Variants in EEF2K observed in about 807,000 individuals in gnomAD.
EEF2K encodes eukaryotic elongation factor 2 kinase.
Under a neutral mutation model 93.8 loss-of-function variants are expected in EEF2K, and 70 were observed. That is an observed-to-expected ratio of 0.75 (90% CI 0.62 to 0.91). The LOEUF (loss-of-function observed/expected upper bound fraction) is 0.91, where lower values mean the gene tolerates loss of function less well. EEF2K is among the 40% of genes least tolerant of loss of function. The pLI is 0.00. For missense variants in EEF2K, 935 were observed against 972.9 expected, an observed-to-expected ratio of 0.96 and a Z score of 0.52; for synonymous variants, 376 against 380.8, an observed-to-expected ratio of 0.99 and a Z score of 0.15.
intron 2 of EEF2K, among the ~76,000 whole-genome samples, chr16:22,231,867 G>A (rs927723352): frequency 6.6e-6 from 1 of 151,864 alleles, no homozygotes; most frequent in African/African-American, 2.4e-5. Flanking sequence ...GCACATGCCT[G>A]TAATCCCAGC....
At chr16:22,226,920 CT>C (rs1598168695) in intron 2 of EEF2K, among the ~76,000 whole-genome samples, 1 of 152,174 alleles carries the variant, frequency 6.6e-6, no homozygotes, top group Non-Finnish European at 1.5e-5. Flanking sequence ...ATAAAATAGG[CT>C]GGGTGCAGTG....
Position 22,286,038 on chromosome 16 carries a change from C to T in EEF2K, c.*2042C>T, listed in dbSNP as rs1399897514. On this transcript the variant is annotated 3_prime_UTR_variant, in exon 18 of 18. Transcript: ENST00000263026. The stretch of plus-strand genomic sequence containing the variant: ...CTTTGGAGGCACAAACCCATGCAAG[C>T]GTTAGTTCCAAAGTTCAGTGTGTAC... 6.6e-6 allele frequency: 1 copy of T among 152,038 alleles called. No individual in the cohort carries two copies. Among genetic ancestry groups the T allele is most frequent in the Non-Finnish European group, 1.5e-5 (1 of 68,010 alleles). 9.4% of individuals were successfully genotyped at this position (152,038 alleles called of 1,614,324 possible).
chr16:22,254,313 CT>C (rs1338487327), intron 6 of EEF2K, among the ~76,000 whole-genome samples: 25 of 152,142 alleles, frequency 1.6e-4, no homozygotes. Flanking sequence ...GGGCAGAACC[CT>C]CTGAGAACCG....
At chr16:22,218,936 TAAAAAAAAA>T (rs11370005) in intron 1 of EEF2K, among the ~76,000 whole-genome samples, 2 of 111,978 alleles carry the variant, frequency 1.8e-5, no homozygotes, top group South Asian at 5.5e-4. Context: ...ACAAAAAAAT[TAAAAAAAAA>T]AAAAAAAAGA....
chr16:22,271,976 T>C (rs1221672193), intron 15 of EEF2K, among the ~76,000 whole-genome samples: 1 of 152,218 alleles, frequency 6.6e-6, no homozygotes, highest in East Asian at 1.9e-4. Context: ...TAGTTTTAAA[T>C]ACTGGAAGGA....
intron 2 of EEF2K, among the ~76,000 whole-genome samples, chr16:22,242,057 C>T (rs2047228774): frequency 1.3e-5 from 2 of 151,940 alleles, no homozygotes; most frequent in Non-Finnish European, 2.9e-5. Flanking sequence ...GCAGGAAGAT[C>T]GCTTGAGCCC....
intron 17 of EEF2K, among the ~76,000 whole-genome samples, chr16:22,283,531 T>A (rs549514184): frequency 6.6e-6 from 1 of 152,266 alleles, no homozygotes; most frequent in South Asian, 2.1e-4. Context: ...CTCACCCTGA[T>A]TCTCATTGGC....
intron 2 of EEF2K, among the ~76,000 whole-genome samples, chr16:22,243,239 T>C (rs911956090): frequency 6.8e-6 from 1 of 146,082 alleles, no homozygotes; most frequent in Non-Finnish European, 1.5e-5. Context: ...CCACCAGAGA[T>C]GCAGCCTATT....
At chr16:22,224,575 C>T (rs2047043939) in intron 1 of EEF2K, among the ~76,000 whole-genome samples, 1 of 151,444 alleles carries the variant, frequency 6.6e-6, no homozygotes, top group African/African-American at 2.4e-5. Flanking sequence ...AAGCAGTGAC[C>T]TAGGTGAGCT....
At chr16:22,230,982 T>C (rs1444843233) in intron 2 of EEF2K, among the ~76,000 whole-genome samples, 2 of 151,878 alleles carry the variant, frequency 1.3e-5, no homozygotes, top group East Asian at 1.9e-4. Flanking sequence ...TGTGTGCAAA[T>C]CCATAAAGAG....
Position 22,284,109 on chromosome 16 carries a change from G to T in EEF2K, c.*113G>T. On this transcript the variant is annotated 3_prime_UTR_variant, in exon 18 of 18. Coordinates refer to ENST00000263026, the MANE Select transcript of EEF2K (RefSeq NM_013302.5). ...GAGGGGAAGCATTTTTAAGTGTGTT[G>T]TAAAATCAAATTTTATATTTCATTT... is the stretch of plus-strand genomic sequence containing the variant. 3.1e-6 allele frequency: 3 copies of T among 961,338 alleles called. No homozygotes were observed. The highest frequency in any genetic ancestry group is 4.7e-6 in the Non-Finnish European group (3 of 643,624). The allele number at this position is 961,338 out of a possible 1,614,324, so 59.6% of individuals were successfully genotyped here.
rs367760094 is a variant in EEF2K at position 22,266,638 on chromosome 16, C to T, written c.1576-50C>T. 145 of 1,584,868 alleles carry T rather than the reference C, an allele frequency of 9.1e-5. 1 individual carries two copies. Among genetic ancestry groups the T allele is most frequent in the Middle Eastern group, 8.9e-4 (5 of 5,616 alleles). ...CAGGCTGGCTGGGCGGTCTTGGGTG[C>T]GGCTTTGGCCCGCCAGACAGCCAGG... On this transcript the variant is annotated intron_variant, in intron 14 of 17. Coordinates refer to ENST00000263026, the MANE Select transcript of EEF2K (RefSeq NM_013302.5).
intron 2 of EEF2K, 62 bp from the exon 3 acceptor site, chr16:22,244,568 C>T (rs887894764): frequency 1.3e-5 from 20 of 1,534,898 alleles, no homozygotes; most frequent in African/African-American, 4.1e-5. Flanking sequence ...GAGGAGTCCA[C>T]GCTGTCCCCA....
intron 1 of EEF2K, among the ~76,000 whole-genome samples, chr16:22,207,724 G>C (rs1199685867): frequency 6.6e-6 from 1 of 152,128 alleles, no homozygotes; most frequent in Non-Finnish European, 1.5e-5. Context: ...CCGAGGGTCA[G>C]AGTGATCCCC....
At chr16:22,220,209 T>A (rs2046997416) in intron 1 of EEF2K, among the ~76,000 whole-genome samples, 1 of 152,170 alleles carries the variant, frequency 6.6e-6, no homozygotes, top group South Asian at 2.1e-4. Flanking sequence ...CAGATGACAC[T>A]CACTTAGCTC....
rs201901191 is a variant in EEF2K, at chr16:22,225,869, G to T, written c.140G>T (p.Ser47Ile). The change falls in exon 2 of 18, where the codon AGC becomes ATC. Residue 47 changes from serine (S) to isoleucine (I), a missense_variant. Physicochemically the swap from Ser to Ile is moderately radical, Grantham distance 142. Transcript: ENST00000263026. ...YFICPITDDP[S>I]SNQNVNSKVN... is the part of the protein sequence containing the mutation. ...ATCTGCCCCATCACGGATGACCCAA[G>T]CTCGAACCAGAATGTCAATTCCAAG... 4 of 1,614,214 alleles carry T rather than the reference G, an allele frequency of 2.5e-6. No individual in the cohort carries two copies. The Admixed American group carries it at 5.0e-5, about 20-fold the overall frequency.
At chr16:22,211,920 GC>G (rs1424331184) in intron 1 of EEF2K, among the ~76,000 whole-genome samples, 3 of 151,932 alleles carry the variant, frequency 2.0e-5, no homozygotes, top group Non-Finnish European at 4.4e-5. Flanking sequence ...AAGACACACG[GC>G]CCCTTTTGTT....
At chr16:22,277,808 A>G (rs2047652543) in intron 16 of EEF2K, among the ~76,000 whole-genome samples, 1 of 151,572 alleles carries the variant, frequency 6.6e-6, no homozygotes, top group East Asian at 1.9e-4. Context: ...TCATGAACAG[A>G]AATTTGCTGG....
chr16:22,283,797 G>T, intron 17 of EEF2K, 90 bp from the exon 18 acceptor site: 1 of 1,239,318 alleles, frequency 8.1e-7, no homozygotes, highest in Non-Finnish European at 1.2e-6. Flanking sequence ...AAACGTCAGG[G>T]TGTTCTTCTG....
Sources: gnomAD v4.1 joint callset for allele counts (sites outside exome capture counted in the v4.1 genomes callset) on GRCh38, gnomAD v4.1.1 for gene constraint, MANE v1.5 for transcripts, NCBI Gene and HGNC (gene_info 2026-07-23, HGNC 2026-07-21) for gene names.